The following SCAI variants were observed in gnomAD, a reference collection of about 807,000 sequenced individuals.
SCAI encodes protein SCAI.
In SCAI, 24 loss-of-function variants were observed where a neutral mutation model predicts 92.2. That is an observed-to-expected ratio of 0.26 (90% CI 0.19 to 0.37). SCAI has a LOEUF of 0.37. SCAI is among the 10% of genes least tolerant of loss of function. The pLI, the probability that SCAI is intolerant of heterozygous loss-of-function variation, is 1.00. For missense variants in SCAI, 450 were observed against 736.2 expected, an observed-to-expected ratio of 0.61 and a Z score of 4.50; for synonymous variants, 261 against 258.6, an observed-to-expected ratio of 1.01 and a Z score of -0.09.
intron 3 of SCAI, among the ~76,000 whole-genome samples, chr9:125,033,801 A>G (rs1046486111): frequency 4.6e-5 from 7 of 152,258 alleles, no homozygotes; most frequent in African/African-American, 1.7e-4. Flanking sequence ...TACACGATGG[A>G]CTGAGCATAT....
intron 2 of SCAI, among the ~76,000 whole-genome samples, chr9:125,116,138 T>C (rs747078279): frequency 1.3e-5 from 2 of 152,084 alleles, no homozygotes; most frequent in Admixed American, 6.5e-5. Context: ...TGAGCCGAGA[T>C]TGCACCATTG....
chr9:125,055,886 T>G lies in SCAI; in HGVS notation c.220A>C (p.Asn74His). The G allele has an allele frequency of 6.2e-7, 1 of 1,611,176 alleles. No homozygotes were observed. The highest frequency in any genetic ancestry group is 8.5e-7 in the Non-Finnish European group (1 of 1,179,058). ...CAAGAGTCCACTCACCTTAACCCAT[T>G]GAACAGTTGCTTAGATTTATCCAGA... is the stretch of plus-strand genomic sequence containing the variant. Reference protein sequence around the residue: ...YLLDKSKQLFNGLRDLPQYGQ... With the variant: ...YLLDKSKQLFHGLRDLPQYGQ... Residue 74 changes from asparagine (N) to histidine (H), a missense_variant, in exon 3 of 18, where the codon AAT becomes CAT. Physicochemically the swap from Asn to His is moderately conservative, Grantham distance 68. This residue lies in a region of SCAI where 20 missense variants were observed against 68.2 expected (regional missense o/e 0.29). Coordinates refer to ENST00000336505, the MANE Select transcript of SCAI (RefSeq NM_001144877.3).
At chr9:125,022,853 C>T (rs1044535205) in intron 6 of SCAI, among the ~76,000 whole-genome samples, 1 of 152,064 alleles carries the variant, frequency 6.6e-6, no homozygotes, top group Admixed American at 6.6e-5. Flanking sequence ...TTATTTTGTG[C>T]TAATTATACT....
intron 17 of SCAI, among the ~76,000 whole-genome samples, chr9:124,962,375 G>C (rs1161421995): frequency 6.6e-6 from 1 of 151,946 alleles, no homozygotes; most frequent in African/African-American, 2.4e-5. Flanking sequence ...TGGTCAGGCT[G>C]GTCTTGAATT....
intron 9 of SCAI, among the ~76,000 whole-genome samples, chr9:125,010,071 G>A (rs1832599027): frequency 6.6e-6 from 1 of 152,158 alleles, no homozygotes. Context: ...GGCCGAATAG[G>A]AACAGCTCCG....
intron 2 of SCAI, chr9:125,142,351 T>TA (rs374622024): frequency 0.039 from 8,795 of 225,212 alleles, 114 homozygotes; most frequent in Non-Finnish European, 0.049. Flanking sequence ...TGGCTAAGGT[T>TA]AAAAAAAAAA....
At chr9:125,124,461 A>G (rs1377393595) in intron 2 of SCAI, among the ~76,000 whole-genome samples, 1 of 152,180 alleles carries the variant, frequency 6.6e-6, no homozygotes, top group Admixed American at 6.5e-5. Flanking sequence ...GCAAGTTCCA[A>G]TACAACAGCT....
intron 14 of SCAI, among the ~76,000 whole-genome samples, chr9:124,990,261 G>A (rs941471301): frequency 1.3e-5 from 2 of 152,046 alleles, no homozygotes; most frequent in African/African-American, 4.8e-5. Context: ...GGCCGAGGTA[G>A]GCGGATCACC....
chr9:125,108,634 G>C (rs1401045683), intron 2 of SCAI, among the ~76,000 whole-genome samples: 2 of 138,700 alleles, frequency 1.4e-5, no homozygotes, highest in Admixed American at 1.4e-4. Context: ...CCCTCCGCCC[G>C]GCAGCCGCCC....
At chr9:125,081,083 G>A (rs1295337445) in intron 2 of SCAI, among the ~76,000 whole-genome samples, 1 of 152,188 alleles carries the variant, frequency 6.6e-6, no homozygotes, top group Non-Finnish European at 1.5e-5. Flanking sequence ...GGAACTGTAA[G>A]TCCAATTAAA....
chr9:125,001,642 A>G (rs918224707), intron 12 of SCAI, among the ~76,000 whole-genome samples: 2 of 152,236 alleles, frequency 1.3e-5, no homozygotes, highest in African/African-American at 2.4e-5. Context: ...TGGTTATTCC[A>G]TCATCCTTTT....
chr9:125,088,793 T>G (rs1285105965), intron 2 of SCAI, among the ~76,000 whole-genome samples: 4 of 152,136 alleles, frequency 2.6e-5, no homozygotes, highest in Non-Finnish European at 5.9e-5. Flanking sequence ...ATTTTTAATT[T>G]TAAAAATAAA....
At chr9:125,000,081 T>C (rs1290186308) in intron 12 of SCAI, 91 bp from the exon 13 acceptor site, 2 of 568,552 alleles carry the variant, frequency 3.5e-6, no homozygotes, top group African/African-American at 3.9e-5. Flanking sequence ...GAATCTCTCA[T>C]TGATTCAAGC....
intron 2 of SCAI, among the ~76,000 whole-genome samples, chr9:125,114,689 T>A (rs776467213): frequency 2.6e-5 from 4 of 151,704 alleles, no homozygotes. Flanking sequence ...CACACCAGCC[T>A]TGAACTCCTT....
chr9:125,077,055 G>C (rs1834105153), intron 2 of SCAI, among the ~76,000 whole-genome samples: 1 of 152,108 alleles, frequency 6.6e-6, no homozygotes, highest in Non-Finnish European at 1.5e-5. Context: ...ATGATGGTGT[G>C]TGCCTGTAGT....
At chr9:124,955,714 C>G (rs1004780614) in intron 17 of SCAI, among the ~76,000 whole-genome samples, 6 of 150,592 alleles carry the variant, frequency 4.0e-5, no homozygotes, top group African/African-American at 1.5e-4. Context: ...GGAAGTTTAC[C>G]AAGACAGAAA....
At chr9:125,142,054 T>C (rs1467585199) in intron 2 of SCAI, among the ~76,000 whole-genome samples, 2 of 152,176 alleles carry the variant, frequency 1.3e-5, no homozygotes, top group African/African-American at 4.8e-5. Context: ...CCTCAGCCTC[T>C]TGAGAAGCTG....
At chr9:124,983,837 A>T (rs1018879061) in intron 14 of SCAI, among the ~76,000 whole-genome samples, 4 of 152,262 alleles carry the variant, frequency 2.6e-5, no homozygotes, top group African/African-American at 7.2e-5. Flanking sequence ...GCTACCTACT[A>T]TCTGTGTGAT....
chr9:125,007,872 G>A (rs1393025873), intron 9 of SCAI, among the ~76,000 whole-genome samples: 13 of 151,466 alleles, frequency 8.6e-5, no homozygotes, highest in Admixed American at 6.6e-5. Flanking sequence ...TTGAGACGGA[G>A]TCTCGCTCTG....
Sources: allele counts gnomAD v4.1 joint callset (sites outside exome capture counted in the v4.1 genomes callset), GRCh38; gene constraint gnomAD v4.1.1; regional missense constraint gnomAD v4.1.1; transcripts MANE v1.5; gene names NCBI Gene and HGNC (gene_info 2026-07-23, HGNC 2026-07-21).